The following EPHB1 variants were observed in gnomAD, a reference collection of about 807,000 sequenced individuals.
EPHB1 encodes ephrin type-B receptor 1.
EPHB1 carries 30 observed loss-of-function variants against 94.4 expected under a neutral mutation model. That is an observed-to-expected ratio of 0.32 (90% CI 0.24 to 0.43). The LOEUF is 0.43. Among genes scored for constraint, EPHB1 ranks in the 20% least tolerant of loss-of-function variants. The pLI is 1.00. For missense variants in EPHB1, 1,055 were observed against 1,308.3 expected, an observed-to-expected ratio of 0.81 and a Z score of 2.99; for synonymous variants, 522 against 489.1, an observed-to-expected ratio of 1.07 and a Z score of -0.89.
chr3:134,962,577 C>T (rs1559773634), intron 3 of EPHB1, among the ~76,000 whole-genome samples: 2 of 152,208 alleles, frequency 1.3e-5, no homozygotes, highest in East Asian at 3.9e-4. Flanking sequence ...TGCTAAGAAA[C>T]ACACTTTGCT....
chr3:135,129,237 C>T (rs1178016852), intron 4 of EPHB1, among the ~76,000 whole-genome samples: 1 of 152,152 alleles, frequency 6.6e-6, no homozygotes, highest in African/African-American at 2.4e-5. Flanking sequence ...CACTGCATTT[C>T]CTCCTGAGCA....
At chr3:135,073,987 A>C (rs916602325) in intron 3 of EPHB1, among the ~76,000 whole-genome samples, 1 of 152,220 alleles carries the variant, frequency 6.6e-6, no homozygotes, top group East Asian at 1.9e-4. Flanking sequence ...CCATGGAGGC[A>C]CATCTTGTCT....
At chr3:135,067,218 A>T (rs1196420605) in intron 3 of EPHB1, among the ~76,000 whole-genome samples, 1 of 152,106 alleles carries the variant, frequency 6.6e-6, no homozygotes, top group Non-Finnish European at 1.5e-5. Flanking sequence ...GGTAGTATGG[A>T]GAGGCACCAG....
At chr3:134,795,908 G>A (rs948811036) in intron 1 of EPHB1, among the ~76,000 whole-genome samples, 1 of 152,216 alleles carries the variant, frequency 6.6e-6, no homozygotes. Context: ...AAACTGGCTC[G>A]CGAGTCCCCC....
At chr3:134,904,280 A>G (rs2038270404) in intron 1 of EPHB1, among the ~76,000 whole-genome samples, 1 of 152,210 alleles carries the variant, frequency 6.6e-6, no homozygotes. Flanking sequence ...TTTAACTCCC[A>G]CACTAATTTT....
chr3:134,840,830 C>T (rs1163707919), intron 1 of EPHB1, among the ~76,000 whole-genome samples: 2 of 152,172 alleles, frequency 1.3e-5, no homozygotes, highest in Non-Finnish European at 2.9e-5. Context: ...TGTGACAACT[C>T]CTCCCTTTAA....
intron 11 of EPHB1, among the ~76,000 whole-genome samples, chr3:135,194,725 G>T (rs1942550953): frequency 6.6e-6 from 1 of 152,164 alleles, no homozygotes; most frequent in Non-Finnish European, 1.5e-5. Flanking sequence ...TTCTGAGGGT[G>T]CAGGGGTGGA....
rs373913067 is a variant in EPHB1 at position 134,807,554 on chromosome 3, GA to G, written c.58+11866del. Among the ~76,000 whole-genome samples, 82 of 122,710 alleles carry G rather than the reference GA, an allele frequency of 6.7e-4. 1 individual carries two copies. Among genetic ancestry groups the G allele is most frequent in the African/African-American group, 2.0e-3 (70 of 35,624 alleles). 80.5% of individuals were successfully genotyped at this position (122,710 alleles called of 152,430 possible). On this transcript the variant is annotated intron_variant, in intron 1 of 15. Transcript: ENST00000398015. ...GTGTGTGTGTGTGAGAGAGAGAGGG[GA>G]GAGAGAGAGAGAAAAAAAAAAGTTT...
chr3:135,131,480 A>T lies in EPHB1; in HGVS notation c.962-1234A>T, dbSNP rs980776294. ...TGAATTCTGAATGCATTACTATCTG[A>T]AGCGGCTGCTCCAGCAGACCTGCCA... On this transcript the variant is annotated intron_variant, in intron 4 of 15. Coordinates refer to ENST00000398015, the MANE Select transcript of EPHB1 (RefSeq NM_004441.5). Among the ~76,000 whole-genome samples, 4 of 152,226 alleles carry T rather than the reference A, an allele frequency of 2.6e-5. No individual in the cohort carries two copies. The East Asian group carries it at 7.7e-4, about 29-fold the overall frequency.
chr3:135,138,237 G>T (rs1940692371), intron 5 of EPHB1, among the ~76,000 whole-genome samples: 1 of 152,104 alleles, frequency 6.6e-6, no homozygotes. Context: ...TTTTAAAAAT[G>T]CTGCACTATT....
Position 134,915,073 on chromosome 3 carries a change from TC to T in EPHB1, c.59-10738del, listed in dbSNP as rs529924678. 2.3e-3 allele frequency among the ~76,000 whole-genome samples: 343 copies of T among 152,088 alleles called. 1 individual carries two copies. The highest frequency in any genetic ancestry group is 8.0e-3 in the African/African-American group (332 of 41,498). On this transcript the variant is annotated intron_variant, in intron 1 of 15. Transcript: ENST00000398015. ...GCACCTGGCCTTCCTTGTGTCTGTGTCCCCCAAGCTCCCAGCACAGGCCCTA... is the reference window on the plus strand; with the variant it reads ...GCACCTGGCCTTCCTTGTGTCTGTGTCCCCAAGCTCCCAGCACAGGCCCTA...
chr3:135,045,686 A>G lies in EPHB1; in HGVS notation c.806-60762A>G, dbSNP rs190927068. Among the ~76,000 whole-genome samples the G allele has an allele frequency of 2.6e-5, 4 of 152,304 alleles. No homozygotes were observed. In the East Asian group the frequency reaches 7.7e-4, roughly 29 times the overall value. On this transcript the variant is annotated intron_variant, in intron 3 of 15. Transcript: ENST00000398015. ...CAAGTGAAAATTGGAGCTTTGGGAAACTTGACAGCTTCCCACTATTTAAGA... is the reference window on the plus strand; with the variant it reads ...CAAGTGAAAATTGGAGCTTTGGGAAGCTTGACAGCTTCCCACTATTTAAGA...
intron 1 of EPHB1, among the ~76,000 whole-genome samples, chr3:134,806,345 G>A (rs1205835270): frequency 6.6e-6 from 1 of 152,158 alleles, no homozygotes; most frequent in Non-Finnish European, 1.5e-5. Flanking sequence ...ACATTGTCAG[G>A]AGACCCAGGT....
intron 3 of EPHB1, among the ~76,000 whole-genome samples, chr3:135,089,974 CT>C (rs1938497496): frequency 6.6e-6 from 1 of 152,226 alleles, no homozygotes; most frequent in South Asian, 2.1e-4. Context: ...AGCTTCTCCC[CT>C]AATTGTGTTT....
chr3:135,014,346 T>A (rs1377832810), intron 3 of EPHB1, among the ~76,000 whole-genome samples: 1 of 152,198 alleles, frequency 6.6e-6, no homozygotes, highest in Non-Finnish European at 1.5e-5. Flanking sequence ...CAGCCCGACT[T>A]GATTCTGAGA....
At chr3:135,091,954 C>T (rs1382217265) in intron 3 of EPHB1, among the ~76,000 whole-genome samples, 1 of 152,114 alleles carries the variant, frequency 6.6e-6, no homozygotes, top group Non-Finnish European at 1.5e-5. Context: ...GAGAAGTCAT[C>T]TTCATTTATC....
intron 2 of EPHB1, among the ~76,000 whole-genome samples, chr3:134,933,654 G>A (rs369118056): frequency 2.6e-5 from 4 of 152,146 alleles, no homozygotes; most frequent in African/African-American, 7.2e-5. Context: ...ACTAAAGCAC[G>A]GAGCAGCTGG....
chr3:135,001,762 T>C (rs756975388), intron 3 of EPHB1, among the ~76,000 whole-genome samples: 1 of 152,198 alleles, frequency 6.6e-6, no homozygotes, highest in East Asian at 1.9e-4. Flanking sequence ...TCTTTCCTCA[T>C]AATGTATCTT....
chr3:134,795,884 G>C (rs1429022546), intron 1 of EPHB1, among the ~76,000 whole-genome samples, 195 bp downstream of exon 1: 2 of 152,220 alleles, frequency 1.3e-5, no homozygotes, highest in Non-Finnish European at 2.9e-5. Flanking sequence ...CCCCCGGCTG[G>C]CTCTTAGCGC....
Sources: gnomAD v4.1 joint callset for allele counts (sites outside exome capture counted in the v4.1 genomes callset) on GRCh38, gnomAD v4.1.1 for gene constraint, MANE v1.5 for transcripts, NCBI Gene and HGNC (gene_info 2026-07-23, HGNC 2026-07-21) for gene names.